The following PEX5L variants were observed in gnomAD, a reference collection of about 807,000 sequenced individuals.
PEX5L encodes PEX5-related protein.
PEX5L carries 30 observed loss-of-function variants against 84.0 expected under a neutral mutation model. The ratio of observed to expected loss-of-function variants is 0.36; its 90% confidence interval spans 0.27 to 0.48. The LOEUF (loss-of-function observed/expected upper bound fraction) is 0.48, where lower values mean the gene tolerates loss of function less well. Among genes scored for constraint, PEX5L ranks in the 20% least tolerant of loss-of-function variants. The pLI is 0.99. For missense variants in PEX5L, 533 were observed against 754.6 expected, an observed-to-expected ratio of 0.71 and a Z score of 3.44; for synonymous variants, 270 against 283.1, an observed-to-expected ratio of 0.95 and a Z score of 0.46.
At chr3:179,873,173 C>T (rs1750956909) in intron 7 of PEX5L, among the ~76,000 whole-genome samples, 1 of 152,192 alleles carries the variant, frequency 6.6e-6, no homozygotes, top group South Asian at 2.1e-4. Context: ...CAAGTTTCTT[C>T]AGCTCACTGT....
At position 180,024,347 on chromosome 3, in the gene PEX5L, A is replaced by AATATATATATATATATATATATAT. The variant is rs148495757; in HGVS notation, c.21+12208_21+12231dup. Among the ~76,000 whole-genome samples, 158 of 107,574 alleles carry AATATATATATATATATATATATAT rather than the reference A, an allele frequency of 1.5e-3. 1 individual carries two copies. Among genetic ancestry groups the AATATATATATATATATATATATAT allele is most frequent in the Middle Eastern group, 4.8e-3 (1 of 210 alleles). The allele number at this position is 107,574 out of a possible 152,430, so 70.6% of individuals were successfully genotyped here. A position where few individuals can be genotyped will look rare whatever the true frequency, so the allele number is the denominator to read the frequency against. ...ACACTGTGAAACCCCGTCCCTACTA[A>AATATATATATATATATATATATAT]ATATATATATATATATATATATATA... is the stretch of plus-strand genomic sequence containing the variant. On this transcript the variant is annotated intron_variant, in intron 1 of 14. Transcript: ENST00000467460.
intron 1 of PEX5L, among the ~76,000 whole-genome samples, chr3:180,005,966 T>A (rs1414900023): frequency 2.0e-5 from 3 of 152,226 alleles, no homozygotes; most frequent in African/African-American, 7.2e-5. Flanking sequence ...ACATGAAATA[T>A]CTAGGCATTA....
chr3:179,893,734 A>G (rs888303638), intron 3 of PEX5L, among the ~76,000 whole-genome samples: 3 of 152,172 alleles, frequency 2.0e-5, no homozygotes, highest in Non-Finnish European at 2.9e-5. Flanking sequence ...AATAATTTTT[A>G]AAGTTAAAAC....
intron 2 of PEX5L, among the ~76,000 whole-genome samples, chr3:179,930,554 T>C (rs1772796232): frequency 6.6e-6 from 1 of 152,212 alleles, no homozygotes. Flanking sequence ...TGATTGGCAC[T>C]ACCCCTGAGA....
chr3:180,025,022 T>C (rs1790820753), intron 1 of PEX5L, among the ~76,000 whole-genome samples: 1 of 152,162 alleles, frequency 6.6e-6, no homozygotes, highest in Admixed American at 6.5e-5. Flanking sequence ...AGTCCTAAAT[T>C]GTCCTCCAGA....
chr3:179,864,813 CA>C (rs1307659596), intron 7 of PEX5L, among the ~76,000 whole-genome samples: 2 of 151,884 alleles, frequency 1.3e-5, no homozygotes, highest in Non-Finnish European at 2.9e-5. Flanking sequence ...TGTAATTTGT[CA>C]GTAAAAAACG....
At chr3:179,970,463 C>A (rs1524508) in intron 2 of PEX5L, among the ~76,000 whole-genome samples, 4 of 152,006 alleles carry the variant, frequency 2.6e-5, no homozygotes, top group East Asian at 1.9e-4. Flanking sequence ...CCTGTTTTAC[C>A]CAGGAGCAGG....
At chr3:179,975,724 C>T (rs1785701052) in intron 1 of PEX5L, among the ~76,000 whole-genome samples, 1 of 152,108 alleles carries the variant, frequency 6.6e-6, no homozygotes, top group Non-Finnish European at 1.5e-5. Context: ...TCTTTTTCAC[C>T]TATCTTCAGC....
Position 179,910,089 on chromosome 3 carries a change from T to C in PEX5L, c.94-11843A>G, listed in dbSNP as rs572149294. ...ATCCAGAAAGAATTCACTAACAATG[T>C]TACTTTAAGCCTTCTTAGCTAATTC... On this transcript the variant is annotated intron_variant, in intron 2 of 14. Coordinates refer to ENST00000467460, the MANE Select transcript of PEX5L (RefSeq NM_016559.3). Among the ~76,000 whole-genome samples the C allele has an allele frequency of 6.6e-5, 10 of 152,346 alleles. No homozygotes were observed. The South Asian group carries it at 1.7e-3, about 25-fold the overall frequency.
intron 1 of PEX5L, 136 bp from the exon 2 acceptor site, chr3:179,971,801 A>G (rs1784822060): frequency 2.4e-6 from 2 of 843,636 alleles, no homozygotes; most frequent in East Asian, 3.1e-5. Context: ...TAAATTGCTC[A>G]TGTACAACAG....
chr3:179,879,412 A>C (rs1346568446), intron 5 of PEX5L, among the ~76,000 whole-genome samples: 2 of 152,222 alleles, frequency 1.3e-5, no homozygotes, highest in Non-Finnish European at 2.9e-5. Flanking sequence ...GATGTTTCAA[A>C]GAGTTGTGAT....
intron 7 of PEX5L, among the ~76,000 whole-genome samples, chr3:179,861,833 G>T (rs1360883940): frequency 6.6e-6 from 1 of 151,262 alleles, no homozygotes; most frequent in Non-Finnish European, 1.5e-5. Flanking sequence ...AAAAGCAAAA[G>T]AACTTGTGAT....
intron 2 of PEX5L, among the ~76,000 whole-genome samples, chr3:179,968,438 T>C (rs997316981): frequency 6.6e-6 from 1 of 152,142 alleles, no homozygotes; most frequent in Non-Finnish European, 1.5e-5. Flanking sequence ...TAGGAAGGAA[T>C]AGCTTCACAA....
intron 2 of PEX5L, among the ~76,000 whole-genome samples, chr3:179,935,301 T>C (rs966540706): frequency 8.5e-5 from 13 of 152,166 alleles, no homozygotes; most frequent in African/African-American, 2.7e-4. Flanking sequence ...AAAGAAAGAT[T>C]TGTAGGAGCT....
chr3:179,901,190 AAC>A, intron 2 of PEX5L, among the ~76,000 whole-genome samples: 1 of 151,112 alleles, frequency 6.6e-6, no homozygotes, highest in Non-Finnish European at 1.5e-5. Flanking sequence ...AGTAGCTTAA[AAC>A]ATTGTAAGAT....
intron 2 of PEX5L, among the ~76,000 whole-genome samples, chr3:179,968,791 T>C (rs1784036416): frequency 6.6e-6 from 1 of 151,960 alleles, no homozygotes; most frequent in African/African-American, 2.4e-5. Flanking sequence ...CTCATTTAAG[T>C]GTTCTCTGAA....
chr3:179,942,017 C>A (rs1239479769), intron 2 of PEX5L, among the ~76,000 whole-genome samples: 701 of 88,948 alleles, frequency 7.9e-3, no homozygotes, highest in African/African-American at 0.013. Context: ...TGAGACTCCT[C>A]AAAAAAAAAA....
intron 2 of PEX5L, among the ~76,000 whole-genome samples, chr3:179,945,335 A>G (rs59159498): frequency 0.071 from 10,858 of 152,204 alleles, 1,307 homozygotes; most frequent in African/African-American, 0.25. Context: ...CCCTACTGAG[A>G]GAGGATATTT....
chr3:179,977,364 C>T (rs1355558710), intron 1 of PEX5L, among the ~76,000 whole-genome samples: 3 of 152,136 alleles, frequency 2.0e-5, no homozygotes, highest in African/African-American at 7.2e-5. Flanking sequence ...TTACTTGCGA[C>T]CCTTGCAGTA....
Sources: allele counts gnomAD v4.1 joint callset (sites outside exome capture counted in the v4.1 genomes callset), GRCh38; gene constraint gnomAD v4.1.1; transcripts MANE v1.5; gene names NCBI Gene and HGNC (gene_info 2026-07-23, HGNC 2026-07-21).